Variants in MERTK observed in about 807,000 individuals in gnomAD.
The protein encoded by MERTK is MER proto-oncogene, tyrosine kinase.
Under a neutral mutation model 99.3 loss-of-function variants are expected in MERTK, and 69 were observed. That is an observed-to-expected ratio of 0.70 (90% CI 0.57 to 0.85). MERTK has a LOEUF of 0.85. Among genes scored for constraint, MERTK ranks in the 40% least tolerant of loss-of-function variants. The probability of loss-of-function intolerance (pLI) is 0.00; values close to 1 mark genes in which losing one functional copy is unlikely to be tolerated. For synonymous variants in MERTK, 426 were observed against 467.6 expected, an observed-to-expected ratio of 0.91 and a Z score of 1.15; for missense variants, 1,125 against 1,249.4, an observed-to-expected ratio of 0.90 and a Z score of 1.50.
chr2:111,968,107 ATGTGTG>A, intron 5 of MERTK, 24 bp from the exon 6 acceptor site: 1 of 1,258,052 alleles, frequency 7.9e-7, no homozygotes, highest in Non-Finnish European at 1.2e-6. Flanking sequence ...TTGTGTGTGT[ATGTGTG>A]TGTGTGTGTT....
intron 17 of MERTK, 32 bp from the exon 18 acceptor site, chr2:112,022,226 T>C: frequency 6.2e-7 from 1 of 1,614,192 alleles, no homozygotes; most frequent in Non-Finnish European, 8.5e-7. Context: ...TGGAAAGGCT[T>C]GCATCCTAAC....
At chr2:111,980,449 C>T (rs987152300) in intron 7 of MERTK, among the ~76,000 whole-genome samples, 1 of 135,782 alleles carries the variant, frequency 7.4e-6, no homozygotes, top group Non-Finnish European at 1.5e-5. Context: ...GACGGAGTCT[C>T]GCTCTTTCGC....
chr2:111,909,578 C>A (rs547956770), intron 1 of MERTK, among the ~76,000 whole-genome samples: 99 of 152,162 alleles, frequency 6.5e-4, no homozygotes, highest in African/African-American at 2.1e-3. Context: ...TACTGAGGCT[C>A]CAGAAGAAGG....
intron 1 of MERTK, among the ~76,000 whole-genome samples, chr2:111,904,243 T>C (rs1684096262): frequency 6.6e-6 from 1 of 152,240 alleles, no homozygotes; most frequent in Non-Finnish European, 1.5e-5. Flanking sequence ...CAGGAAGGTA[T>C]AAAAATGAAG....
intron 18 of MERTK, among the ~76,000 whole-genome samples, chr2:112,022,861 C>T (rs1677384714): frequency 6.6e-6 from 1 of 152,174 alleles, no homozygotes; most frequent in Non-Finnish European, 1.5e-5. Context: ...AAACCAATGA[C>T]TTTGGGGTCA....
In MERTK at chr2:111,934,404, T is replaced by C. The variant is rs540424722; in HGVS notation, c.482+4864T>C. On this transcript the variant is annotated intron_variant, in intron 2 of 18. Transcript: ENST00000295408. Reference sequence around the variant, plus strand: ...CATCTGTTGCTTCCTGACTTTTTAATGATTGCCATTTAAACTGGTGTGAGA... The same window carrying C: ...CATCTGTTGCTTCCTGACTTTTTAACGATTGCCATTTAAACTGGTGTGAGA... 6.2e-4 allele frequency among the ~76,000 whole-genome samples: 95 copies of C among 152,350 alleles called. 1 individual carries two copies. Among genetic ancestry groups the C allele is most frequent in the African/African-American group, 2.3e-3 (94 of 41,574 alleles).
intron 1 of MERTK, among the ~76,000 whole-genome samples, chr2:111,914,028 C>T (rs1684299683): frequency 6.6e-6 from 1 of 151,654 alleles, no homozygotes; most frequent in Admixed American, 6.6e-5. Context: ...TGCCTTGTTC[C>T]CATCCATTTT....
Position 111,968,239 on chromosome 2 carries a change from A to G in MERTK, c.947A>G (p.Asn316Ser). ...TTTGATGGATACTCCCCGTTCAGGAATTGCAGCATTCAGGTAAAGTTCCAG... is the reference window on the plus strand; with the variant it reads ...TTTGATGGATACTCCCCGTTCAGGAGTTGCAGCATTCAGGTAAAGTTCCAG... The part of the protein sequence containing the change: ...PGFDGYSPFR[N>S]CSIQVKEADP... The change falls in exon 6 of 19, where the codon AAT (asparagine) becomes AGT (serine). Residue 316 changes from asparagine (N) to serine (S), a missense_variant. Physicochemically the swap from Asn to Ser is conservative, Grantham distance 46. Coordinates refer to ENST00000295408, the MANE Select transcript of MERTK (RefSeq NM_006343.3). 1 of 1,613,016 alleles carries G rather than the reference A, an allele frequency of 6.2e-7. No homozygotes were observed. Among genetic ancestry groups the G allele is most frequent in the Non-Finnish European group, 8.5e-7 (1 of 1,179,114 alleles).
At chr2:112,027,312 A>G (rs540809827) in intron 18 of MERTK, among the ~76,000 whole-genome samples, 9 of 151,298 alleles carry the variant, frequency 5.9e-5, no homozygotes, top group East Asian at 3.9e-4. Flanking sequence ...GTGTGTGTGT[A>G]TATATATACA....
In MERTK at chr2:111,971,650, T is replaced by C. The variant is rs76807373; in HGVS notation, c.960+3398T>C. On this transcript the variant is annotated intron_variant, in intron 6 of 18. Coordinates refer to ENST00000295408, the MANE Select transcript of MERTK (RefSeq NM_006343.3). The stretch of plus-strand genomic sequence containing the variant: ...TCCTTTACTGATTTCTAATGTTATT[T>C]TACTGTGTTTGGAGAATATACTTCA... Among the ~76,000 whole-genome samples the C allele has an allele frequency of 6.5e-3, 986 of 152,344 alleles. 13 individuals carry two copies. The highest frequency in any genetic ancestry group is 0.023 in the African/African-American group (950 of 41,574).
At chr2:111,968,050 A>C in intron 5 of MERTK, 87 bp from the exon 6 acceptor site, 28 of 884,972 alleles carry the variant, frequency 3.2e-5, no homozygotes, top group Non-Finnish European at 4.9e-5. Context: ...GAAAACAGGT[A>C]TTAATGCATT....
At chr2:112,013,709 C>A (rs1677155282) in intron 15 of MERTK, among the ~76,000 whole-genome samples, 1 of 152,202 alleles carries the variant, frequency 6.6e-6, no homozygotes, top group Non-Finnish European at 1.5e-5. Flanking sequence ...TTCTGACTGC[C>A]CCATTCTGTG....
intron 1 of MERTK, chr2:111,913,177 C>A: frequency 1.8e-6 from 1 of 565,400 alleles, no homozygotes; most frequent in Non-Finnish European, 2.2e-6. Flanking sequence ...AGGACAAAGG[C>A]CAAATATATA....
intron 4 of MERTK, among the ~76,000 whole-genome samples, chr2:111,955,655 T>C (rs1302270381): frequency 6.6e-6 from 1 of 152,228 alleles, no homozygotes; most frequent in Non-Finnish European, 1.5e-5. Context: ...TTGATCATTA[T>C]ACCATGGTTA....
chr2:111,910,610 G>GTGTGTGTGTATATA (rs370882764), intron 1 of MERTK, among the ~76,000 whole-genome samples: 3 of 143,588 alleles, frequency 2.1e-5, no homozygotes, highest in African/African-American at 7.8e-5. Flanking sequence ...GTGTGTGTGT[G>GTGTGTGTGTATATA]TATATATATA....
intron 8 of MERTK, among the ~76,000 whole-genome samples, chr2:111,987,967 A>T (rs1351717903): frequency 6.6e-6 from 1 of 150,920 alleles, no homozygotes; most frequent in East Asian, 1.9e-4. Flanking sequence ...TAGCCTTGAG[A>T]CAGCATGATA....
At chr2:111,935,289 C>T (rs1421311735) in intron 2 of MERTK, among the ~76,000 whole-genome samples, 3 of 152,174 alleles carry the variant, frequency 2.0e-5, no homozygotes, top group Non-Finnish European at 2.9e-5. Flanking sequence ...TGGTCCCTGT[C>T]CTCCTGCTCA....
chr2:111,998,021 G>T (rs958149363), intron 10 of MERTK, among the ~76,000 whole-genome samples: 1 of 152,188 alleles, frequency 6.6e-6, no homozygotes, highest in Non-Finnish European at 1.5e-5. Flanking sequence ...TGAGTGAGGG[G>T]TGTATGGCTA....
intron 2 of MERTK, among the ~76,000 whole-genome samples, chr2:111,933,483 A>G (rs1684710253): frequency 6.6e-6 from 1 of 152,224 alleles, no homozygotes; most frequent in Admixed American, 6.5e-5. Context: ...ATAGATGTAT[A>G]TTGGCAGAGG....
Sources: gnomAD v4.1 joint callset for allele counts (sites outside exome capture counted in the v4.1 genomes callset) on GRCh38, gnomAD v4.1.1 for gene constraint, MANE v1.5 for transcripts, NCBI Gene and HGNC (gene_info 2026-07-23, HGNC 2026-07-21) for gene names.